DPP10: variants seen among roughly 807,000 people sequenced by gnomAD.
DPP10 encodes the protein dipeptidyl peptidase like 10, also known as inactive dipeptidyl peptidase 10.
A neutral mutation model predicts 120.9 loss-of-function variants in DPP10; 33 were observed. That is an observed-to-expected ratio of 0.27 (90% CI 0.21 to 0.37). DPP10 has a LOEUF of 0.37. Among genes scored for constraint, DPP10 ranks in the 10% least tolerant of loss-of-function variants. The pLI, the probability that DPP10 is intolerant of heterozygous loss-of-function variation, is 1.00. For synonymous variants in DPP10, 337 were observed against 326.1 expected, an observed-to-expected ratio of 1.03 and a Z score of -0.36; for missense variants, 816 against 942.8, an observed-to-expected ratio of 0.87 and a Z score of 1.76.
At chr2:115,098,785 G>T (rs1451781851) in intron 1 of DPP10, among the ~76,000 whole-genome samples, 1 of 152,126 alleles carries the variant, frequency 6.6e-6, no homozygotes, top group African/African-American at 2.4e-5. Context: ...AGTCATAAAT[G>T]ATATTCATTG....
At chr2:114,500,854 G>A (rs564622197) in intron 1 of DPP10, among the ~76,000 whole-genome samples, 43 of 152,312 alleles carry the variant, frequency 2.8e-4, no homozygotes, top group Non-Finnish European at 3.1e-4. Context: ...GCAGGAGTCC[G>A]TCTGGTGCGT....
chr2:115,156,982 A>G (rs2051958520), intron 1 of DPP10, among the ~76,000 whole-genome samples: 1 of 152,184 alleles, frequency 6.6e-6, no homozygotes, highest in Non-Finnish European at 1.5e-5. Flanking sequence ...GACATAACCA[A>G]TTCATTAAAT....
intron 3 of DPP10, among the ~76,000 whole-genome samples, chr2:115,454,699 A>G (rs1263149235): frequency 6.6e-6 from 1 of 151,790 alleles, no homozygotes; most frequent in African/African-American, 2.4e-5. Context: ...CTTCTATTCA[A>G]CATAGTACTG....
chr2:115,299,189 C>G (rs2061016852), intron 1 of DPP10, among the ~76,000 whole-genome samples: 1 of 151,828 alleles, frequency 6.6e-6, no homozygotes, highest in East Asian at 1.9e-4. Context: ...GTATTCTGTT[C>G]CTAACATTAA....
chr2:115,815,031 G>A (rs777270243), intron 20 of DPP10, 44 bp downstream of exon 20: 121 of 1,548,388 alleles, frequency 7.8e-5, no homozygotes, highest in Non-Finnish European at 1.0e-4. Context: ...TATAATGACA[G>A]AGTCTTGGTA....
chr2:115,329,941 G>A (rs1478066365), intron 2 of DPP10, among the ~76,000 whole-genome samples: 1 of 152,108 alleles, frequency 6.6e-6, no homozygotes, highest in Admixed American at 6.6e-5. Context: ...ATAATCCTTT[G>A]GGTATGTACC....
chr2:114,542,095 T>C (rs1266569713), intron 1 of DPP10, among the ~76,000 whole-genome samples: 1 of 145,326 alleles, frequency 6.9e-6, no homozygotes, highest in Non-Finnish European at 1.5e-5. Context: ...TCTCCAAGGC[T>C]GGAGTGCAGT....
chr2:115,803,091 C>G (rs1257341338), intron 19 of DPP10, among the ~76,000 whole-genome samples: 5 of 152,246 alleles, frequency 3.3e-5, no homozygotes, highest in African/African-American at 1.2e-4. Context: ...TCACTAAGGA[C>G]TTGCTTTATG....
chr2:114,524,752 C>A (rs1023153329), intron 1 of DPP10, among the ~76,000 whole-genome samples: 1 of 152,204 alleles, frequency 6.6e-6, no homozygotes, highest in Non-Finnish European at 1.5e-5. Flanking sequence ...ATTCATGGTG[C>A]CTTTATGAAA....
intron 12 of DPP10, among the ~76,000 whole-genome samples, 177 bp from the exon 13 acceptor site, chr2:115,768,120 A>G (rs550460806): frequency 6.6e-6 from 1 of 152,298 alleles, no homozygotes; most frequent in East Asian, 1.9e-4. Flanking sequence ...AATGTATCAG[A>G]TTTACTTTAA....
intron 1 of DPP10, among the ~76,000 whole-genome samples, chr2:114,826,745 G>T (rs539495074): frequency 6.6e-6 from 1 of 152,138 alleles, no homozygotes; most frequent in Non-Finnish European, 1.5e-5. Flanking sequence ...GGCCAGGCTG[G>T]TCCCATCCTC....
intron 1 of DPP10, among the ~76,000 whole-genome samples, chr2:115,098,084 C>A (rs1291787909): frequency 6.6e-6 from 1 of 152,098 alleles, no homozygotes; most frequent in African/African-American, 2.4e-5. Context: ...TCCAACTTTC[C>A]CCAGAGGAGT....
At chr2:115,596,921 A>G (rs1448975250) in intron 5 of DPP10, among the ~76,000 whole-genome samples, 1 of 152,226 alleles carries the variant, frequency 6.6e-6, no homozygotes, top group East Asian at 1.9e-4. Flanking sequence ...AATGCTAGAA[A>G]GTTGTATTTT....
intron 3 of DPP10, among the ~76,000 whole-genome samples, chr2:115,430,598 T>C (rs1363319936): frequency 6.6e-6 from 1 of 152,126 alleles, no homozygotes; most frequent in Non-Finnish European, 1.5e-5. Flanking sequence ...AACAATTTAA[T>C]ATATTTCAGG....
At chr2:115,078,745 T>C (rs1314604600) in intron 1 of DPP10, among the ~76,000 whole-genome samples, 1 of 152,204 alleles carries the variant, frequency 6.6e-6, no homozygotes, top group African/African-American at 2.4e-5. Context: ...GTAAGTTGTT[T>C]CAAAGTGCAA....
chr2:115,607,733 A>G (rs1413503323), intron 5 of DPP10, among the ~76,000 whole-genome samples: 1 of 152,152 alleles, frequency 6.6e-6, no homozygotes, highest in East Asian at 1.9e-4. Context: ...ACTACAGTAC[A>G]TGGTCCAAGA....
intron 5 of DPP10, among the ~76,000 whole-genome samples, chr2:115,530,776 T>C (rs1334702144): frequency 6.6e-6 from 1 of 152,118 alleles, no homozygotes; most frequent in African/African-American, 2.4e-5. Flanking sequence ...CTGGAGAGTT[T>C]TACAAATTGT....
chr2:115,501,744 A>G (rs1222896622), intron 4 of DPP10, among the ~76,000 whole-genome samples: 2 of 152,108 alleles, frequency 1.3e-5, no homozygotes, highest in Non-Finnish European at 2.9e-5. Context: ...ATAATTCCAG[A>G]TGATTTCAAA....
In DPP10 at chr2:115,081,616, C is replaced by T. The variant is rs1190774999; in HGVS notation, c.61-227623C>T. ...ATGTCTTTACCTTTTGCTGTGGTTC[C>T]GTTTTCCATTTCTGTCCTTTTCTAC... is the stretch of plus-strand genomic sequence containing the variant. On this transcript the variant is annotated intron_variant, in intron 1 of 25. Transcript: ENST00000410059. Among the ~76,000 whole-genome samples the T allele has an allele frequency of 2.0e-5, 3 of 152,064 alleles. No homozygotes were observed. The South Asian group carries it at 6.2e-4, about 32-fold the overall frequency.
Sources: allele counts gnomAD v4.1 joint callset (sites outside exome capture counted in the v4.1 genomes callset), GRCh38; gene constraint gnomAD v4.1.1; transcripts MANE v1.5; gene names NCBI Gene and HGNC (gene_info 2026-07-23, HGNC 2026-07-21).